Variants in DDX28 observed in about 807,000 individuals in gnomAD.
The protein encoded by DDX28 is probable ATP-dependent RNA helicase DDX28.
DDX28 carries 25 observed loss-of-function variants against 26.8 expected under a neutral mutation model. The observed-to-expected ratio is 0.93, with a 90% confidence interval of 0.68 to 1.30. The LOEUF (loss-of-function observed/expected upper bound fraction) is 1.30. Among genes scored for constraint, DDX28 ranks in the 50% most tolerant of loss-of-function variants. The pLI is 0.00. For synonymous variants in DDX28, 370 were observed against 311.9 expected (o/e 1.19, Z -1.96); for missense variants, 790 against 695.1 (o/e 1.14, Z -1.53).
rs763872993 is a variant in DDX28 at position 68,022,522 on chromosome 16, G to A, written c.681C>T (p.Gly227=). Residue 227 remains glycine (G), a synonymous_variant, in exon 1 of 1, where the codon GGC becomes GGT. Transcript: ENST00000332395. Reference sequence around the variant, plus strand: ...CCCGCACCAGCAGGCCCAAGGAGCGGCCCAAGGGTTGGGCCACAGCCCGCA... The same window carrying A: ...CCCGCACCAGCAGGCCCAAGGAGCGACCCAAGGGTTGGGCCACAGCCCGCA... ...QQVRAVAQPL[G]RSLGLLVRDL... is the part of the protein sequence containing the mutation. 6.2e-7 allele frequency: 1 copy of A among 1,613,908 alleles called. No individual in the cohort carries two copies. Among genetic ancestry groups the A allele is most frequent in the Non-Finnish European group, 8.5e-7 (1 of 1,180,032 alleles).
At position 68,022,907 on chromosome 16, in the gene DDX28, C is replaced by T; in HGVS notation, c.296G>A (p.Ser99Asn). The change falls in exon 1 of 1, where the codon AGT (serine) becomes AAT (asparagine). Residue 99 changes from serine (S) to asparagine (N), a missense_variant. Physicochemically the swap from Ser to Asn is conservative, Grantham distance 46 (BLOSUM62 1). Coordinates refer to ENST00000332395, the MANE Select transcript of DDX28 (RefSeq NM_018380.4). ...RAPLASQGWK[S>N]RRARRDHFSI... ...GAAGTGGTCCCGACGCGCGCGTCGA[C>T]TCTTCCAGCCTTGAGAGGCTAGCGG... 6.4e-7 allele frequency: 1 copy of T among 1,556,916 alleles called. No individual in the cohort carries two copies. Among genetic ancestry groups the T allele is most frequent in the Non-Finnish European group, 8.7e-7 (1 of 1,153,294 alleles).
rs771179566 is a variant in DDX28, at chr16:68,021,661, C to G, written c.1542G>C (p.Lys514Asn). ...THPWDVSLVQ[K>N]IELAARRRRS... is the part of the protein sequence containing the mutation. ...TCCTTCGGCGAGCCGCCAGCTCAATCTTCTGAACCAGGCTCACATCCCAGG... is the reference window on the plus strand; with the variant it reads ...TCCTTCGGCGAGCCGCCAGCTCAATGTTCTGAACCAGGCTCACATCCCAGG... The change falls in exon 1 of 1, where the codon AAG (lysine) becomes AAC (asparagine). Residue 514 changes from lysine (K) to asparagine (N), a missense_variant. Transcript: ENST00000332395. The G allele has an allele frequency of 2.8e-5, 45 of 1,614,072 alleles. No individual in the cohort carries two copies. Among genetic ancestry groups the G allele is most frequent in the Admixed American group, 1.7e-5 (1 of 60,004 alleles).
chr16:68,022,983 G>A lies in DDX28; in HGVS notation c.220C>T (p.Pro74Ser). ...AGGCGCGCCGGCTGGTTCAACTCCG[G>A]CCGCCGCGCCGAAACCAGCAGCGGT... ...PGPLLVSARR[P>S]ELNQPARLTL... Residue 74 changes from proline to serine, a missense_variant, in exon 1 of 1, where the codon CCG becomes TCG. Coordinates refer to ENST00000332395, the MANE Select transcript of DDX28 (RefSeq NM_018380.4). 1 of 1,552,020 alleles carries A rather than the reference G, an allele frequency of 6.4e-7. No homozygotes were observed. The highest frequency in any genetic ancestry group is 8.6e-7 in the Non-Finnish European group (1 of 1,156,892).
At position 68,022,269 on chromosome 16, in the gene DDX28, C is replaced by A. The variant is rs185110977; in HGVS notation, c.934G>T (p.Gly312Cys). Reference protein sequence around the residue: ...YILEKSHIAEGPADLEDPFNP... With the variant: ...YILEKSHIAECPADLEDPFNP... ...AAGGGGTCTTCCAAGTCAGCTGGGCCTTCTGCTATGTGGCTCTTCTCTAAG... is the reference window on the plus strand; with the variant it reads ...AAGGGGTCTTCCAAGTCAGCTGGGCATTCTGCTATGTGGCTCTTCTCTAAG... Residue 312 changes from glycine (G) to cysteine (C), a missense_variant, in exon 1 of 1, where the codon GGC becomes TGC. Physicochemically the swap from Gly to Cys is radical, Grantham distance 159. Transcript: ENST00000332395. 1.9e-6 allele frequency: 3 copies of A among 1,614,194 alleles called. No homozygotes were observed. Among genetic ancestry groups the A allele is most frequent in the Middle Eastern group, 1.6e-4 (1 of 6,062 alleles).
rs1201342116 is a variant in DDX28, at chr16:68,022,386, G to A, written c.817C>T (p.Arg273Ter). 2.5e-6 allele frequency: 4 copies of A among 1,614,100 alleles called. No homozygotes were observed. Among genetic ancestry groups the A allele is most frequent in the Non-Finnish European group, 3.4e-6 (4 of 1,180,022 alleles). ...PGALWKALKS[R>*]LISLEQLSFL... Reference sequence around the variant, plus strand: ...GAGAGTTGCTCCAGACTGATCAGTCGACTTTTCAGGGCCTTCCACAGAGCC... The same window carrying A: ...GAGAGTTGCTCCAGACTGATCAGTCAACTTTTCAGGGCCTTCCACAGAGCC... Residue 273 changes from arginine (R) to a stop codon, truncating the protein, a stop_gained, in exon 1 of 1, where the codon CGA becomes TGA. Transcript: ENST00000332395. LOFTEE classifies it high-confidence loss of function.
In DDX28 at chr16:68,021,166, T is replaced by C. The variant is rs1310582573; in HGVS notation, c.*414A>G. 1 of 189,232 alleles carries C rather than the reference T, an allele frequency of 5.3e-6. No homozygotes were observed. Among genetic ancestry groups the C allele is most frequent in the Admixed American group, 5.5e-5 (1 of 18,126 alleles). 11.7% of individuals were successfully genotyped at this position (189,232 alleles called of 1,614,324 possible). ...CCCTGGGGGCTTAATGGATACCTTT[T>C]TGGGGGCAGGAAATACAAACTAAAT... On this transcript the variant is annotated 3_prime_UTR_variant, in exon 1 of 1. Coordinates refer to ENST00000332395, the MANE Select transcript of DDX28 (RefSeq NM_018380.4).
In DDX28 at chr16:68,021,501, C is replaced by T; in HGVS notation, c.*79G>A. On this transcript the variant is annotated 3_prime_UTR_variant, in exon 1 of 1. Transcript: ENST00000332395. ...CGACAGGGCAGCCCAGAGCCTCCCA[C>T]TGACAAGTGTGGTCACCCACTCAAG... 2.7e-6 allele frequency: 4 copies of T among 1,503,586 alleles called. No homozygotes were observed. The highest frequency in any genetic ancestry group is 1.8e-4 in the Middle Eastern group (1 of 5,668). 93.1% of individuals were successfully genotyped at this position (1,503,586 alleles called of 1,614,324 possible).
At position 68,021,811 on chromosome 16, in the gene DDX28, A is replaced by G; in HGVS notation, c.1392T>C (p.Thr464=). The G allele has an allele frequency of 6.2e-7, 1 of 1,614,120 alleles. No homozygotes were observed. Among genetic ancestry groups the G allele is most frequent in the Non-Finnish European group, 8.5e-7 (1 of 1,180,000 alleles). The change falls in exon 1 of 1, where the codon ACT becomes ACC. Residue 464 remains threonine (T), a synonymous_variant. Transcript: ENST00000332395. ...TDIASRGLDS[T]GVELVVNYDF... is the part of the protein sequence containing the mutation. ...CATAATTGACAACCAGCTCCACACC[A>G]GTGCTGTCCAGGCCCCGAGAGGCTA...
In DDX28 at chr16:68,022,811, A is replaced by G; in HGVS notation, c.392T>C (p.Leu131Pro). Reference sequence around the variant, plus strand: ...GTGCAGCACACGGGGCTCCAGGCCCAGGTCAGCAAAGCTGCCCTTAGACGA... The same window carrying G: ...GTGCAGCACACGGGGCTCCAGGCCCGGGTCAGCAAAGCTGCCCTTAGACGA... ...KLSSKGSFAD[L>P]GLEPRVLHAL... Residue 131 changes from leucine (L) to proline (P), a missense_variant, in exon 1 of 1, where the codon CTG becomes CCG. Coordinates refer to ENST00000332395, the MANE Select transcript of DDX28 (RefSeq NM_018380.4). The G allele has an allele frequency of 6.3e-7, 1 of 1,581,260 alleles. No homozygotes were observed. Among genetic ancestry groups the G allele is most frequent in the Non-Finnish European group, 8.6e-7 (1 of 1,163,604 alleles).
In DDX28 at chr16:68,022,853, G is replaced by A. The variant is rs769514331; in HGVS notation, c.350C>T (p.Pro117Leu). The change falls in exon 1 of 1, where the codon CCA becomes CTA. Residue 117 changes from proline to leucine, a missense_variant. By Grantham distance (98) the Pro-to-Leu change is moderately conservative (BLOSUM62 -3). Transcript: ENST00000332395. ...FSIERAQQEA[P>L]AVRKLSSKGS... ...CTTAGACGAGAGCTTTCGCACCGCT[G>A]GCGCCTCCTGTTGCGCGCGCTCGAT... The A allele has an allele frequency of 5.7e-6, 9 of 1,571,540 alleles. No homozygotes were observed. The highest frequency in any genetic ancestry group is 5.4e-5 in the African/African-American group (4 of 73,514).
Position 68,021,802 on chromosome 16 carries a change from C to T in DDX28, c.1401G>A (p.Glu467=), listed in dbSNP as rs780213727. The change falls in exon 1 of 1, where the codon GAG becomes GAA. Residue 467 remains glutamate, a synonymous_variant. Coordinates refer to ENST00000332395, the MANE Select transcript of DDX28 (RefSeq NM_018380.4). The part of the protein sequence containing the change: ...ASRGLDSTGV[E]LVVNYDFPPT... ...GGGGGAAATCATAATTGACAACCAG[C>T]TCCACACCAGTGCTGTCCAGGCCCC... The T allele has an allele frequency of 1.2e-6, 2 of 1,614,156 alleles. No homozygotes were observed. The highest frequency in any genetic ancestry group is 3.3e-5 in the Admixed American group (2 of 60,012).
In DDX28 at chr16:68,022,133, T is replaced by C. The variant is rs1195171999; in HGVS notation, c.1070A>G (p.Lys357Arg). 37 of 1,614,052 alleles carry C rather than the reference T, an allele frequency of 2.3e-5. No individual in the cohort carries two copies. Among genetic ancestry groups the C allele is most frequent in the Middle Eastern group, 3.3e-4 (2 of 6,084 alleles). ...CACATGAGGCATGATACAGTGGAGC[T>C]TGGAGCTGGTGATGGTGGTGACAGC... The part of the protein sequence containing the change: ...PDAVTTITSS[K>R]LHCIMPHVKQ... Residue 357 changes from lysine (K) to arginine (R), a missense_variant, in exon 1 of 1, where the codon AAG becomes AGG. Physicochemically the swap from Lys to Arg is conservative, Grantham distance 26. Coordinates refer to ENST00000332395, the MANE Select transcript of DDX28 (RefSeq NM_018380.4).
chr16:68,022,870 G>A lies in DDX28; in HGVS notation c.333C>T (p.Arg111=), dbSNP rs752083060. The change falls in exon 1 of 1, where the codon CGC becomes CGT. Residue 111 remains arginine, a synonymous_variant. Coordinates refer to ENST00000332395, the MANE Select transcript of DDX28 (RefSeq NM_018380.4). Reference sequence around the variant, plus strand: ...GCACCGCTGGCGCCTCCTGTTGCGCGCGCTCGATGGAGAAGTGGTCCCGAC... The same window carrying A: ...GCACCGCTGGCGCCTCCTGTTGCGCACGCTCGATGGAGAAGTGGTCCCGAC... The part of the protein sequence containing the change: ...RARRDHFSIE[R]AQQEAPAVRK... The A allele has an allele frequency of 2.7e-5, 42 of 1,571,332 alleles. No homozygotes were observed. The highest frequency in any genetic ancestry group is 3.2e-5 in the Non-Finnish European group (37 of 1,159,258).
chr16:68,023,178 G>A lies in DDX28; in HGVS notation c.25C>T (p.Leu9Phe), dbSNP rs757982492. Reference protein sequence around the residue: MALTRPVRLFSLVTRLLLA... With the variant: MALTRPVRFFSLVTRLLLA... ...AGCAACCGAGTCACGAGGGAAAAGAGCCGCACCGGCCGCGTTAGAGCCATG... is the reference window on the plus strand; with the variant it reads ...AGCAACCGAGTCACGAGGGAAAAGAACCGCACCGGCCGCGTTAGAGCCATG... Residue 9 changes from leucine to phenylalanine, a missense_variant, in exon 1 of 1, where the codon CTC (leucine) becomes TTC (phenylalanine). Transcript: ENST00000332395. 3.1e-6 allele frequency: 5 copies of A among 1,609,464 alleles called. No individual in the cohort carries two copies. The highest frequency in any genetic ancestry group is 1.3e-5 in the African/African-American group (1 of 74,998).
At chr16:68,023,223 AGCGCACATCAGTGACGTCACGGAC>A (rs1470462393) in exon 1 of DDX28, 1 of 1,594,108 alleles carries the variant, frequency 6.3e-7, no homozygotes, top group East Asian at 2.2e-5. Context: ...GTGCGGGAGA[AGCGCACATCAGTGACGTCACGGAC>A]GCGCCGCGAC....
In DDX28 at chr16:68,022,886, T is replaced by C. The variant is rs549305821; in HGVS notation, c.317A>G (p.His106Arg). The C allele has an allele frequency of 1.7e-5, 27 of 1,570,044 alleles. No homozygotes were observed. The South Asian group carries it at 2.7e-4, about 16-fold the overall frequency. Residue 106 changes from histidine (H) to arginine (R), a missense_variant, in exon 1 of 1, where the codon CAC becomes CGC. By Grantham distance (29) the His-to-Arg change is conservative (BLOSUM62 0). Transcript: ENST00000332395. ...CTGTTGCGCGCGCTCGATGGAGAAG[T>C]GGTCCCGACGCGCGCGTCGACTCTT... is the stretch of plus-strand genomic sequence containing the variant. The part of the protein sequence containing the change: ...GWKSRRARRD[H>R]FSIERAQQEA...
Position 68,022,740 on chromosome 16 carries a change from G to C in DDX28, c.463C>G (p.Gln155Glu). The change falls in exon 1 of 1, where the codon CAG becomes GAG. Residue 155 changes from glutamine (Q) to glutamate (E), a missense_variant. Coordinates refer to ENST00000332395, the MANE Select transcript of DDX28 (RefSeq NM_018380.4). ...APEVVQPTTVQSSTIPSLLRG... is the reference protein window; with the variant it reads ...APEVVQPTTVESSTIPSLLRG... ...AGTAGTGAGGGGATGGTGCTAGACT[G>C]CACGGTTGTGGGCTGAACGACTTCA... is the stretch of plus-strand genomic sequence containing the variant. 6.2e-7 allele frequency: 1 copy of C among 1,613,060 alleles called. No individual in the cohort carries two copies. The highest frequency in any genetic ancestry group is 8.5e-7 in the Non-Finnish European group (1 of 1,179,974).
Position 68,023,193 on chromosome 16 carries a change from T to G in DDX28, c.10A>C (p.Thr4Pro), listed in dbSNP as rs237831. 3.7e-6 allele frequency: 6 copies of G among 1,609,544 alleles called. No individual in the cohort carries two copies. Among genetic ancestry groups the G allele is most frequent in the East Asian group, 4.5e-5 (2 of 44,826 alleles). MAL[T>P]RPVRLFSLVT... ...AGGGAAAAGAGCCGCACCGGCCGCG[T>G]TAGAGCCATGTTTCCCTTAGTGCGG... is the stretch of plus-strand genomic sequence containing the variant. Residue 4 changes from threonine (T) to proline (P), a missense_variant, in exon 1 of 1, where the codon ACG becomes CCG. Coordinates refer to ENST00000332395, the MANE Select transcript of DDX28 (RefSeq NM_018380.4).
chr16:68,021,880 C>A lies in DDX28; in HGVS notation c.1323G>T (p.Gln441His). ...MPALMRVGIF[Q>H]SFQKSSRDIL... ...TGTCTCGGGAGCTCTTCTGGAAGGACTGGAAGATTCCTACCCTCATCAAGG... is the reference window on the plus strand; with the variant it reads ...TGTCTCGGGAGCTCTTCTGGAAGGAATGGAAGATTCCTACCCTCATCAAGG... Residue 441 changes from glutamine to histidine, a missense_variant, in exon 1 of 1, where the codon CAG becomes CAT. Transcript: ENST00000332395. 7 of 1,614,196 alleles carry A rather than the reference C, an allele frequency of 4.3e-6. No individual in the cohort carries two copies. The highest frequency in any genetic ancestry group is 5.9e-6 in the Non-Finnish European group (7 of 1,180,046).
Sources: gnomAD v4.1 joint callset for allele counts on GRCh38, gnomAD v4.1.1 for gene constraint, MANE v1.5 for transcripts, NCBI Gene and HGNC (gene_info 2026-07-23, HGNC 2026-07-21) for gene names.